Variants in KAZN observed in about 807,000 individuals in gnomAD.
The protein encoded by KAZN is kazrin, periplakin interacting protein.
A neutral mutation model predicts 87.4 loss-of-function variants in KAZN; 40 were observed. That is an observed-to-expected ratio of 0.46 (90% CI 0.36 to 0.60). The LOEUF (loss-of-function observed/expected upper bound fraction) is 0.60. KAZN is among the 20% of genes least tolerant of loss of function. The pLI, the probability that KAZN is intolerant of heterozygous loss-of-function variation, is 0.00. For synonymous variants in KAZN, 466 were observed against 458.3 expected (o/e 1.02, Z -0.22); for missense variants, 898 against 1,073.9 (o/e 0.84, Z 2.29).
rs78855136 is a variant in KAZN at position 13,925,414 on chromosome 1, T to C, written c.91+31658T>C. Among the ~76,000 whole-genome samples the C allele has an allele frequency of 9.5e-4, 144 of 151,770 alleles. 1 individual carries two copies. Among genetic ancestry groups the C allele is most frequent in the Non-Finnish European group, 1.9e-3 (126 of 67,932 alleles). On this transcript the variant is annotated intron_variant, in intron 1 of 16. Transcript: ENST00000636203. ...ATAAAGTGTCAAAGGGGGATGGGAG[T>C]ATGGGTGGTTGGAAAAGGCCTCAAT...
At chr1:14,325,231 A>C (rs1367791154) in intron 2 of KAZN, among the ~76,000 whole-genome samples, 1 of 152,176 alleles carries the variant, frequency 6.6e-6, no homozygotes, top group Non-Finnish European at 1.5e-5. Context: ...TAAAGACAAC[A>C]GCCACCATCA....
intron 1 of KAZN, among the ~76,000 whole-genome samples, chr1:13,915,477 C>T (rs1202902779): frequency 6.6e-6 from 1 of 152,128 alleles, no homozygotes; most frequent in Non-Finnish European, 1.5e-5. Context: ...ACTTTGGGGC[C>T]CATGAACGTC....
At chr1:14,759,687 A>C (rs1489440638) in intron 1 of KAZN, among the ~76,000 whole-genome samples, 4 of 152,158 alleles carry the variant, frequency 2.6e-5, no homozygotes, top group African/African-American at 4.8e-5. Flanking sequence ...GGGGTTTGCT[A>C]GGAAAGAGCA....
At chr1:14,369,818 A>G (rs924687068) in intron 2 of KAZN, among the ~76,000 whole-genome samples, 3 of 152,188 alleles carry the variant, frequency 2.0e-5, no homozygotes, top group Non-Finnish European at 4.4e-5. Context: ...TCCACTAAAA[A>G]CATGTAAATC....
chr1:14,320,290 A>C (rs1295608978), intron 2 of KAZN, among the ~76,000 whole-genome samples: 1 of 152,182 alleles, frequency 6.6e-6, no homozygotes, highest in East Asian at 1.9e-4. Context: ...AAAGAGATAT[A>C]GGTTCCTCAA....
At chr1:14,953,665 A>G (rs1194016339) in intron 1 of KAZN, among the ~76,000 whole-genome samples, 1 of 152,152 alleles carries the variant, frequency 6.6e-6, no homozygotes, top group Non-Finnish European at 1.5e-5. Flanking sequence ...AATAATCATA[A>G]TATTATTGTT....
chr1:14,869,505 A>G (rs576958823), intron 1 of KAZN, among the ~76,000 whole-genome samples: 6 of 152,236 alleles, frequency 3.9e-5, no homozygotes, highest in East Asian at 1.9e-4. Context: ...TAATTTTTAT[A>G]TCTTCACCTA....
chr1:14,481,907 G>A (rs1248167190), intron 2 of KAZN, among the ~76,000 whole-genome samples: 1 of 152,234 alleles, frequency 6.6e-6, no homozygotes, highest in Non-Finnish European at 1.5e-5. Flanking sequence ...CAACCATGCA[G>A]GCCCAGTGGT....
At chr1:14,951,487 A>G (rs1662477208) in intron 1 of KAZN, among the ~76,000 whole-genome samples, 1 of 148,720 alleles carries the variant, frequency 6.7e-6, no homozygotes, top group Admixed American at 6.7e-5. Context: ...TCATTCATTC[A>G]TTTATTTTAG....
intron 1 of KAZN, among the ~76,000 whole-genome samples, chr1:13,950,196 G>T (rs1297575967): frequency 2.0e-5 from 3 of 150,764 alleles, no homozygotes; most frequent in Non-Finnish European, 4.5e-5. Context: ...GGGTGCCCAG[G>T]TTTTTCTCTG....
At chr1:14,590,716 T>A (rs1179409119) in intron 2 of KAZN, among the ~76,000 whole-genome samples, 1 of 152,170 alleles carries the variant, frequency 6.6e-6, no homozygotes, top group East Asian at 1.9e-4. Flanking sequence ...ATCATCTCCA[T>A]CACCGATAAC....
At position 14,184,598 on chromosome 1, in the gene KAZN, GCTT is replaced by G. The variant is rs758747031; in HGVS notation, c.249+4008_249+4010del. Among the ~76,000 whole-genome samples, 11 of 152,120 alleles carry G rather than the reference GCTT, an allele frequency of 7.2e-5. No homozygotes were observed. The highest frequency in any genetic ancestry group is 1.3e-4 in the Admixed American group (2 of 15,276). On this transcript the variant is annotated intron_variant, in intron 2 of 16. Transcript: ENST00000636203. This position sits in a 1 kb window ranked among gnomAD's most constrained non-coding sequence, Gnocchi z 4.2. ...TCAGACACTGCATAGGATTTGGGTG[GCTT>G]CGTTTTTCTTTTCTCTTTTTAAAAG...
intron 1 of KAZN, among the ~76,000 whole-genome samples, chr1:14,937,289 A>C (rs1257413454): frequency 6.6e-6 from 1 of 152,192 alleles, no homozygotes; most frequent in Non-Finnish European, 1.5e-5. Flanking sequence ...AATTACTTGC[A>C]GGTTTTCTTA....
intron 2 of KAZN, among the ~76,000 whole-genome samples, chr1:14,590,544 C>T (rs1156544382): frequency 6.6e-6 from 1 of 152,130 alleles, no homozygotes; most frequent in Non-Finnish European, 1.5e-5. Context: ...GAGCAAATCC[C>T]CTGAGCCTGA....
rs112663159 is a variant in KAZN, at chr1:14,179,925, C to T, written c.92-510C>T. Among the ~76,000 whole-genome samples, 1,061 of 152,242 alleles carry T rather than the reference C, an allele frequency of 7.0e-3. 18 individuals are homozygous for T. The highest frequency in any genetic ancestry group is 0.024 in the African/African-American group (1,011 of 41,538). On this transcript the variant is annotated intron_variant, in intron 1 of 16. Transcript: ENST00000636203. The stretch of plus-strand genomic sequence containing the variant: ...ATAGAGAAATAATAATCCTTTCAGC[C>T]CACATGTGGCACTGATTGGAAAACA...
intron 1 of KAZN, among the ~76,000 whole-genome samples, chr1:14,125,239 C>G (rs551947616): frequency 1.1e-4 from 16 of 152,302 alleles, no homozygotes; most frequent in African/African-American, 3.8e-4. Context: ...CCATCCTCCC[C>G]CTGCCCCTGT....
chr1:14,618,954 T>C (rs542752468), intron 1 of KAZN, among the ~76,000 whole-genome samples: 18 of 152,148 alleles, frequency 1.2e-4, no homozygotes, highest in African/African-American at 4.3e-4. Flanking sequence ...TGTAGGTGGG[T>C]CTTTGGGCAG....
intron 1 of KAZN, among the ~76,000 whole-genome samples, chr1:13,908,940 C>T (rs1031971175): frequency 6.6e-6 from 1 of 152,170 alleles, no homozygotes; most frequent in Non-Finnish European, 1.5e-5. Context: ...AAGTACGAGG[C>T]TACTCCTTGG....
intron 1 of KAZN, among the ~76,000 whole-genome samples, chr1:14,703,083 G>C (rs1468353610): frequency 1.3e-5 from 2 of 152,230 alleles, no homozygotes; most frequent in African/African-American, 4.8e-5. Flanking sequence ...CTAAGGTCAG[G>C]TGGTATGTAA....
Sources: allele counts gnomAD v4.1 joint callset (sites outside exome capture counted in the v4.1 genomes callset), GRCh38; gene constraint gnomAD v4.1.1; non-coding constraint Gnocchi (gnomAD v3.1); transcripts MANE v1.5; gene names NCBI Gene and HGNC (gene_info 2026-07-23, HGNC 2026-07-21).